Variants in YPEL1 observed in about 807,000 individuals in gnomAD.
YPEL1 encodes protein yippee-like 1.
In YPEL1, 7 loss-of-function variants were observed where a neutral mutation model predicts 17.3. That is an observed-to-expected ratio of 0.40 (90% CI 0.23 to 0.76). The LOEUF is 0.76. Among genes scored for constraint, YPEL1 ranks in the 30% least tolerant of loss-of-function variants. The probability of loss-of-function intolerance (pLI) is 0.35; values close to 1 mark genes in which losing one functional copy is unlikely to be tolerated. For missense variants in YPEL1, 91 were observed against 155.5 expected (o/e 0.59, Z 2.21); for synonymous variants, 59 against 59.6 (o/e 0.99, Z 0.05).
intron 1 of YPEL1, among the ~76,000 whole-genome samples, chr22:21,726,816 A>C (rs1027800604): frequency 6.6e-6 from 1 of 152,114 alleles, no homozygotes; most frequent in African/African-American, 2.4e-5. Context: ...ATGCAGCGAC[A>C]AGCTCAGATC....
At chr22:21,731,626 T>C (rs2068388556) in intron 1 of YPEL1, among the ~76,000 whole-genome samples, 1 of 150,982 alleles carries the variant, frequency 6.6e-6, no homozygotes, top group African/African-American at 2.4e-5. Flanking sequence ...ATGCCAATGC[T>C]GCTGAGAAGG....
intron 1 of YPEL1, among the ~76,000 whole-genome samples, chr22:21,729,355 C>A (rs889586745): frequency 1.3e-5 from 2 of 151,078 alleles, no homozygotes; most frequent in East Asian, 3.9e-4. Flanking sequence ...GCCTGTAATC[C>A]CAGTGTTTTG....
intron 1 of YPEL1, among the ~76,000 whole-genome samples, chr22:21,716,905 G>A (rs370468652): frequency 1.8e-3 from 262 of 146,986 alleles, no homozygotes; most frequent in East Asian, 3.7e-3. Context: ...ATGAGCTTGA[G>A]AGTATATGTA....
At chr22:21,710,127 G>A (rs1245419664) in intron 2 of YPEL1, among the ~76,000 whole-genome samples, 1 of 152,074 alleles carries the variant, frequency 6.6e-6, no homozygotes, top group African/African-American at 2.4e-5. Context: ...CATCTTCAAG[G>A]CTGCTCATGG....
intron 1 of YPEL1, among the ~76,000 whole-genome samples, chr22:21,718,577 G>A (rs916893553): frequency 3.3e-5 from 5 of 152,162 alleles, no homozygotes; most frequent in Non-Finnish European, 7.3e-5. Context: ...GGTGGATACA[G>A]ACAGCACAGA....
chr22:21,703,244 G>A lies in YPEL1; in HGVS notation c.270+126C>T, dbSNP rs889370492. On this transcript the variant is annotated intron_variant, in intron 4 of 4. Coordinates refer to ENST00000339468, the MANE Select transcript of YPEL1 (RefSeq NM_013313.5). This position sits in a 1 kb window ranked among gnomAD's most constrained non-coding sequence, Gnocchi z 6.1. ...GGAGTCTGGACTTCCCACCTCGGCTGAGGAACTGGGGTTTCTGAAAGTGCT... is the reference window on the plus strand; with the variant it reads ...GGAGTCTGGACTTCCCACCTCGGCTAAGGAACTGGGGTTTCTGAAAGTGCT... 6.2e-6 allele frequency: 5 copies of A among 802,800 alleles called. No homozygotes were observed. The highest frequency in any genetic ancestry group is 3.3e-5 in the African/African-American group (2 of 59,742). The allele number at this position is 802,800 out of a possible 1,614,324, so 49.7% of individuals were successfully genotyped here. A position where few individuals can be genotyped will look rare whatever the true frequency, so the allele number is the denominator to read the frequency against.
At chr22:21,713,069 C>G (rs1271924991) in intron 1 of YPEL1, among the ~76,000 whole-genome samples, 2 of 152,184 alleles carry the variant, frequency 1.3e-5, no homozygotes, top group Non-Finnish European at 2.9e-5. Context: ...GACACCACCA[C>G]ACACCCTCTA....
At chr22:21,706,565 G>A (rs960293502) in intron 2 of YPEL1, among the ~76,000 whole-genome samples, 5 of 152,190 alleles carry the variant, frequency 3.3e-5, no homozygotes, top group African/African-American at 1.2e-4. Context: ...TGGAAAAACA[G>A]TCATAGGCTA....
intron 1 of YPEL1, among the ~76,000 whole-genome samples, chr22:21,734,512 T>C (rs1484815065): frequency 6.6e-6 from 1 of 152,132 alleles, no homozygotes; most frequent in African/African-American, 2.4e-5. Context: ...AGTTATTATA[T>C]AAATGCTCAA....
At chr22:21,726,500 C>T (rs957573397) in intron 1 of YPEL1, among the ~76,000 whole-genome samples, 2 of 152,294 alleles carry the variant, frequency 1.3e-5, no homozygotes, top group Admixed American at 6.5e-5. Context: ...CTCTCGGTCC[C>T]ACCTGGCCTG....
At chr22:21,730,841 G>A (rs1301286222) in intron 1 of YPEL1, among the ~76,000 whole-genome samples, 2 of 152,214 alleles carry the variant, frequency 1.3e-5, no homozygotes, top group Non-Finnish European at 2.9e-5. Context: ...CAAGGGGCCT[G>A]GCTCCTCCAT....
At position 21,703,815 on chromosome 22, in the gene YPEL1, C is replaced by A; in HGVS notation, c.161+24G>T. ...CCGTCCCAGGGCCCGTGCCGCTCCC[C>A]CCGGGCTGAACCAGGGTACTCACAC... On this transcript the variant is annotated intron_variant, in intron 3 of 4. Coordinates refer to ENST00000339468, the MANE Select transcript of YPEL1 (RefSeq NM_013313.5). This position sits in a 1 kb window ranked among gnomAD's most constrained non-coding sequence, Gnocchi z 6.1. The A allele has an allele frequency of 6.2e-7, 1 of 1,607,248 alleles. No individual in the cohort carries two copies. The highest frequency in any genetic ancestry group is 8.5e-7 in the Non-Finnish European group (1 of 1,176,924).
chr22:21,720,177 C>CAAAAA (rs1292044683), intron 1 of YPEL1, among the ~76,000 whole-genome samples: 3 of 81,464 alleles, frequency 3.7e-5, no homozygotes, highest in South Asian at 4.7e-4. Context: ...GACTCTGTAT[C>CAAAAA]AAAAAAAAAA....
chr22:21,719,457 G>A (rs555823867), intron 1 of YPEL1, among the ~76,000 whole-genome samples: 16 of 152,324 alleles, frequency 1.1e-4, no homozygotes, highest in African/African-American at 3.6e-4. Context: ...AATATGAAGT[G>A]AAGCAGCTAA....
intron 1 of YPEL1, among the ~76,000 whole-genome samples, chr22:21,730,463 T>G (rs149690766): frequency 1.1e-3 from 166 of 152,318 alleles, no homozygotes; most frequent in African/African-American, 3.7e-3. Flanking sequence ...CCTCAAGTGA[T>G]CCACCCGCCT....
At chr22:21,729,872 G>A (rs1420616314) in intron 1 of YPEL1, among the ~76,000 whole-genome samples, 1 of 152,160 alleles carries the variant, frequency 6.6e-6, no homozygotes, top group Non-Finnish European at 1.5e-5. Context: ...ATAGAGGCTA[G>A]CACGGTGGCT....
At chr22:21,701,504 T>TC (rs1379284492) in intron 4 of YPEL1, among the ~76,000 whole-genome samples, 3 of 152,332 alleles carry the variant, frequency 2.0e-5, no homozygotes, top group Admixed American at 1.3e-4. Context: ...AAGGTCTCAC[T>TC]CTGTCACTCA....
At chr22:21,702,903 A>G (rs1486068754) in intron 4 of YPEL1, among the ~76,000 whole-genome samples, 1 of 152,166 alleles carries the variant, frequency 6.6e-6, no homozygotes, top group Non-Finnish European at 1.5e-5. Flanking sequence ...GCAACCTTCA[A>G]TTCAAGGTCC....
intron 4 of YPEL1, 139 bp from the exon 5 acceptor site, chr22:21,701,357 G>A (rs749200790): frequency 6.6e-5 from 40 of 601,826 alleles, no homozygotes; most frequent in Admixed American, 1.4e-4. Flanking sequence ...CTCATCCGGC[G>A]CTGGGAGGGT....
Sources: allele counts gnomAD v4.1 joint callset (sites outside exome capture counted in the v4.1 genomes callset), GRCh38; gene constraint gnomAD v4.1.1; non-coding constraint Gnocchi (gnomAD v3.1); transcripts MANE v1.5; gene names NCBI Gene and HGNC (gene_info 2026-07-23, HGNC 2026-07-21).